The following KIF21B variants were observed in gnomAD, a reference collection of about 807,000 sequenced individuals.
The protein encoded by KIF21B is kinesin-like protein KIF21B.
A neutral mutation model predicts 192.9 loss-of-function variants in KIF21B; 85 were observed. The ratio of observed to expected loss-of-function variants is 0.44; its 90% CI spans 0.37 to 0.53. KIF21B has a LOEUF of 0.53. Among genes scored for constraint, KIF21B ranks in the 20% least tolerant of loss-of-function variants. KIF21B has a pLI of 0.00. For missense variants in KIF21B, 1,716 were observed against 2,194.8 expected, an observed-to-expected ratio of 0.78 and a Z score of 4.36; for synonymous variants, 832 against 884.6, an observed-to-expected ratio of 0.94 and a Z score of 1.05.
Position 201,000,539 on chromosome 1 carries a change from C to T in KIF21B, c.1536G>A (p.Arg512=), listed in dbSNP as rs1657422718. Residue 512 remains arginine, a synonymous_variant, in exon 11 of 35, where the codon AGG becomes AGA. Transcript: ENST00000461742. The surrounding 1 kb of genome is among the most constrained non-coding windows in gnomAD (Gnocchi z 6.0). ...GAGAAGCACCCAGGGAGTAGGGGCT[C>T]CTAGCCGAGGCCCGTGAGAGGCTGC... ...LRRSLSRASA[R]SPYSLGASPA... 6.2e-7 allele frequency: 1 copy of T among 1,612,942 alleles called. No homozygotes were observed. The highest frequency in any genetic ancestry group is 1.3e-5 in the African/African-American group (1 of 74,912).
chr1:200,978,771 C>A (rs112914616), intron 30 of KIF21B, among the ~76,000 whole-genome samples: 5 of 152,206 alleles, frequency 3.3e-5, no homozygotes, highest in Non-Finnish European at 7.3e-5. Flanking sequence ...ACTACAGTCT[C>A]GACCTCCTGG....
chr1:200,974,640 G>GCCTCCCAGCCTCCCCTGCC (rs1284196665), intron 34 of KIF21B, 74 bp downstream of exon 34: 6 of 1,480,102 alleles, frequency 4.1e-6, no homozygotes, highest in Non-Finnish European at 5.5e-6. Flanking sequence ...AGGGCCCTGA[G>GCCTCCCAGCCTCCCCTGCC]CCTCCCAGCC....
intron 34 of KIF21B, chr1:200,974,299 C>T (rs1655398070): frequency 1.0e-5 from 14 of 1,348,804 alleles, no homozygotes; most frequent in South Asian, 8.9e-5. Flanking sequence ...CCATCTGAGT[C>T]GCACCCCATG....
rs1373891514 is a variant in KIF21B, at chr1:201,009,463, TCTC to T, written c.64_66del (p.Glu22del). 3 of 1,614,088 alleles carry T rather than the reference TCTC, an allele frequency of 1.9e-6. No individual in the cohort carries two copies. In the Admixed American group the frequency reaches 5.0e-5, roughly 27 times the overall value. On this transcript the variant is annotated inframe_deletion, in exon 2 of 35. Transcript: ENST00000461742. The stretch of plus-strand genomic sequence containing the variant: ...GTACAGATGTGACAGCCCTCAATCT[TCTC>T]CTTCGACAGCTGGGGCCGGATCCTG...
intron 29 of KIF21B, among the ~76,000 whole-genome samples, 163 bp from the exon 30 acceptor site, chr1:200,979,878 C>G (rs530739509): frequency 1.3e-5 from 2 of 152,322 alleles, no homozygotes; most frequent in East Asian, 3.9e-4. Flanking sequence ...TACACATGTG[C>G]TCACTGGCAT....
At chr1:201,015,459 T>C (rs1558029876) in intron 1 of KIF21B, among the ~76,000 whole-genome samples, 1 of 152,212 alleles carries the variant, frequency 6.6e-6, no homozygotes, top group Non-Finnish European at 1.5e-5. Context: ...TCTGGAATCT[T>C]GAAAAGGAGC....
chr1:201,003,580 G>A lies in KIF21B; in HGVS notation c.1212+6C>T. On this transcript the variant is annotated splice_donor_region_variant and intron_variant, in intron 8 of 34. Transcript: ENST00000461742. ...AGTGCTGGGCAATGCCCAGGAGCAT[G>A]CTCACCGCCTTATACTCCATCAGCT... 6.2e-7 allele frequency: 1 copy of A among 1,613,128 alleles called. No individual in the cohort carries two copies. Among genetic ancestry groups the A allele is most frequent in the Non-Finnish European group, 8.5e-7 (1 of 1,179,870 alleles).
intron 26 of KIF21B, 40 bp from the exon 27 acceptor site, chr1:200,985,012 C>T (rs369763082): frequency 6.9e-7 from 1 of 1,458,512 alleles, no homozygotes; most frequent in South Asian, 1.2e-5. Flanking sequence ...TAGTGACCAC[C>T]CCTGCCCACA....
intron 8 of KIF21B, chr1:201,002,606 A>C: frequency 2.1e-6 from 1 of 483,298 alleles, no homozygotes; most frequent in Non-Finnish European, 3.7e-6. Context: ...ATCTTACTTG[A>C]CCTAACTTTC....
At chr1:200,979,328 C>T (rs767153981) in intron 30 of KIF21B, among the ~76,000 whole-genome samples, 59 of 152,202 alleles carry the variant, frequency 3.9e-4, no homozygotes, top group Non-Finnish European at 7.6e-4. Context: ...AAAAATTCCT[C>T]TAGTGGTGCT....
chr1:201,007,501 GAC>G (rs1265012322), intron 3 of KIF21B, among the ~76,000 whole-genome samples: 2 of 116,688 alleles, frequency 1.7e-5, no homozygotes, highest in African/African-American at 6.8e-5. Context: ...CACAGAGACA[GAC>G]ACAGACATAC....
chr1:200,982,509 G>A lies in KIF21B; in HGVS notation c.3842+547C>T, dbSNP rs1656006729. Among the ~76,000 whole-genome samples the A allele has an allele frequency of 1.3e-5, 2 of 152,182 alleles. No individual in the cohort carries two copies. Among genetic ancestry groups the A allele is most frequent in the South Asian group, 2.1e-4 (1 of 4,834 alleles). On this transcript the variant is annotated intron_variant, in intron 28 of 34. Transcript: ENST00000461742. The surrounding 1 kb of genome is among the most constrained non-coding windows in gnomAD (Gnocchi z 4.7). Reference sequence around the variant, plus strand: ...CCAGCCATCCCACAGGCTGCGGGAAGGGGAGGTACCCACACATCTGTGTGC... The same window carrying A: ...CCAGCCATCCCACAGGCTGCGGGAAAGGGAGGTACCCACACATCTGTGTGC...
At chr1:200,976,723 A>G in intron 32 of KIF21B, 53 bp downstream of exon 32, 1 of 1,178,128 alleles carries the variant, frequency 8.5e-7, no homozygotes, top group Non-Finnish European at 1.2e-6. Flanking sequence ...CAGAGGGCAA[A>G]GATTGGGGAG....
chr1:200,986,870 C>G lies in KIF21B; in HGVS notation c.3663G>C (p.Lys1221Asn). 1 of 1,613,856 alleles carries G rather than the reference C, an allele frequency of 6.2e-7. No individual in the cohort carries two copies. The highest frequency in any genetic ancestry group is 1.1e-5 in the South Asian group (1 of 91,018). The change falls in exon 26 of 35, where the codon AAG becomes AAC. Residue 1221 changes from lysine to asparagine, a missense_variant. This residue lies in a region of KIF21B where 580 missense variants were observed against 775.5 expected (regional missense o/e 0.75). Transcript: ENST00000461742. ...ATETSPLTRRKSYDRGQPIRS... is the reference protein window; with the variant it reads ...ATETSPLTRRNSYDRGQPIRS... ...TAATGGGCTGCCCTCGGTCGTAGGA[C>G]TTCCTTCTCGTCAGCGGGGACGTCT...
At chr1:200,988,660 TG>T in intron 22 of KIF21B, 105 bp downstream of exon 22, 1 of 1,489,748 alleles carries the variant, frequency 6.7e-7, no homozygotes. Flanking sequence ...GGGCTCCTGG[TG>T]GGGGTTAGGG....
Position 200,986,329 on chromosome 1 carries a change from G to A in KIF21B, c.3689+515C>T, listed in dbSNP as rs146691043. 2.6e-5 allele frequency among the ~76,000 whole-genome samples: 4 copies of A among 151,576 alleles called. No homozygotes were observed. In the East Asian group the frequency reaches 7.8e-4, roughly 30 times the overall value. On this transcript the variant is annotated intron_variant, in intron 26 of 34. Transcript: ENST00000461742. Reference sequence around the variant, plus strand: ...ATCTGGCTCGGCTATGCAGTTTAAGGTGCGTTACAGAAATTACATTTCCTT... The same window carrying A: ...ATCTGGCTCGGCTATGCAGTTTAAGATGCGTTACAGAAATTACATTTCCTT...
chr1:201,021,135 G>C (rs1337362236), intron 1 of KIF21B, among the ~76,000 whole-genome samples: 4 of 152,200 alleles, frequency 2.6e-5, no homozygotes, highest in Admixed American at 2.6e-4. Flanking sequence ...AGGATGGGTA[G>C]AAGAGGATCT....
chr1:201,007,706 G>A (rs904370044), intron 3 of KIF21B, among the ~76,000 whole-genome samples: 6 of 136,932 alleles, frequency 4.4e-5, no homozygotes, highest in African/African-American at 1.7e-4. Flanking sequence ...AGACAGATGC[G>A]CACACAGACA....
chr1:200,990,788 C>T lies in KIF21B; in HGVS notation c.2688-65G>A. ...TTAACCTCTGCAGCTCCACTGAGCC[C>T]CCATCTGGAGCTGACAGCCACGGGG... On this transcript the variant is annotated intron_variant, in intron 18 of 34. Transcript: ENST00000461742. This position sits in a 1 kb window ranked among gnomAD's most constrained non-coding sequence, Gnocchi z 5.4. 2 of 1,598,436 alleles carry T rather than the reference C, an allele frequency of 1.3e-6. No homozygotes were observed. Among genetic ancestry groups the T allele is most frequent in the South Asian group, 1.1e-5 (1 of 89,950 alleles).
Sources: gnomAD v4.1 joint callset for allele counts (sites outside exome capture counted in the v4.1 genomes callset) on GRCh38, gnomAD v4.1.1 for gene constraint, gnomAD v4.1.1 regional missense constraint, Gnocchi (gnomAD v3.1) non-coding constraint, MANE v1.5 for transcripts, NCBI Gene and HGNC (gene_info 2026-07-23, HGNC 2026-07-21) for gene names.